The following RNF145 variants were observed in gnomAD, a reference collection of about 807,000 sequenced individuals.
RNF145 encodes the protein ring finger protein 145.
Under a neutral mutation model 57.3 loss-of-function variants are expected in RNF145, and 12 were observed. The observed-to-expected ratio is 0.21, with a 90% CI of 0.13 to 0.34. RNF145 has a LOEUF of 0.34. Ranked by LOEUF, RNF145 falls within the 10% of genes least tolerant of loss-of-function variation. The pLI, the probability that RNF145 is intolerant of heterozygous loss-of-function variation, is 1.00. For synonymous variants in RNF145, 262 were observed against 288.3 expected, an observed-to-expected ratio of 0.91 and a Z score of 0.92; for missense variants, 429 against 799.0, an observed-to-expected ratio of 0.54 and a Z score of 5.58.
intron 10 of RNF145, among the ~76,000 whole-genome samples, chr5:159,160,578 T>C (rs1052205570): frequency 6.6e-6 from 1 of 152,240 alleles, no homozygotes; most frequent in Non-Finnish European, 1.5e-5. Flanking sequence ...TTTCCAACAG[T>C]GCGGCCTCTT....
chr5:159,202,128 G>C (rs753925780), intron 2 of RNF145, among the ~76,000 whole-genome samples: 2 of 152,108 alleles, frequency 1.3e-5, no homozygotes, highest in Non-Finnish European at 2.9e-5. Context: ...AACTTCAATT[G>C]TACTCGAAAA....
At chr5:159,194,899 G>T in intron 2 of RNF145, 75 bp from the exon 3 acceptor site, 3 of 1,066,988 alleles carry the variant, frequency 2.8e-6, no homozygotes, top group Non-Finnish European at 4.1e-6. Flanking sequence ...AAGAGCTTGA[G>T]ACAAATAATT....
rs955853597 is a variant in RNF145 at position 159,186,167 on chromosome 5, C to T, written c.294-4116G>A. Among the ~76,000 whole-genome samples the T allele has an allele frequency of 8.5e-5, 13 of 152,072 alleles. No individual in the cohort carries two copies. The East Asian group carries it at 2.5e-3, about 29-fold the overall frequency. On this transcript the variant is annotated intron_variant, in intron 3 of 10. Coordinates refer to ENST00000424310, the MANE Select transcript of RNF145 (RefSeq NM_001199383.2). ...GTGGACCTGGTAGGGGCAGGGGTTG[C>T]AGTGAGCCAAGATTGCACCACTGCA...
At chr5:159,160,045 G>C (rs1458074722) in intron 10 of RNF145, among the ~76,000 whole-genome samples, 1 of 152,144 alleles carries the variant, frequency 6.6e-6, no homozygotes, top group Admixed American at 6.6e-5. Flanking sequence ...CAAAAAAAGT[G>C]ATGTGACAAC....
chr5:159,177,503 G>A (rs17663669), intron 4 of RNF145, among the ~76,000 whole-genome samples: 10,924 of 151,980 alleles, frequency 0.072, 522 homozygotes, highest in Non-Finnish European at 0.11. Context: ...CAACCCAAAG[G>A]TAGTCCTAAG....
intron 9 of RNF145, among the ~76,000 whole-genome samples, chr5:159,162,425 C>CTTTTTTTTTTT (rs201178143): frequency 8.2e-5 from 11 of 134,574 alleles, no homozygotes; most frequent in Non-Finnish European, 1.3e-4. Context: ...GTAATATTTT[C>CTTTTTTTTTTT]TTTTTTTTTT....
chr5:159,208,918 G>A (rs1271748533), intron 1 of RNF145, among the ~76,000 whole-genome samples: 2 of 151,700 alleles, frequency 1.3e-5, no homozygotes, highest in Non-Finnish European at 2.9e-5. Context: ...ATGGGAGGGC[G>A]GGGAGGCAGC....
Position 159,168,984 on chromosome 5 carries a change from T to G in RNF145, c.1010A>C (p.His337Pro). 1 of 1,609,810 alleles carries G rather than the reference T, an allele frequency of 6.2e-7. No individual in the cohort carries two copies. Among genetic ancestry groups the G allele is most frequent in the Non-Finnish European group, 8.5e-7 (1 of 1,178,852 alleles). The change falls in exon 8 of 11, where the codon CAT (histidine) becomes CCT (proline). Residue 337 changes from histidine (H) to proline (P), a missense_variant. By Grantham distance (77) the His-to-Pro change is moderately conservative. This residue lies in a region of RNF145 where 216 missense variants were observed against 457.6 expected (regional missense o/e 0.47). Coordinates refer to ENST00000424310, the MANE Select transcript of RNF145 (RefSeq NM_001199383.2). ...GATAATACTGAGCAAGAATGCCCGA[T>G]GAACAACCTGCAGTTCTATCAGCCC... ...QTGLIELQVV[H>P]RAFLLSIILF...
chr5:159,162,444 T>G (rs1434633365), intron 9 of RNF145, among the ~76,000 whole-genome samples: 2 of 132,102 alleles, frequency 1.5e-5, no homozygotes, highest in Non-Finnish European at 3.2e-5. Context: ...TTTTTTTTTT[T>G]TGAGACGGAG....
At chr5:159,199,134 A>C (rs530226766) in intron 2 of RNF145, among the ~76,000 whole-genome samples, 3 of 152,314 alleles carry the variant, frequency 2.0e-5, no homozygotes, top group African/African-American at 7.2e-5. Context: ...AGAATGCAAC[A>C]TAATAATTGC....
Position 159,162,767 on chromosome 5 carries a change from A to T in RNF145, c.1269+165T>A, listed in dbSNP as rs370855201. Among the ~76,000 whole-genome samples, 16 of 152,148 alleles carry T rather than the reference A, an allele frequency of 1.1e-4. No individual in the cohort carries two copies. The East Asian group carries it at 3.1e-3, about 29-fold the overall frequency. On this transcript the variant is annotated intron_variant, in intron 9 of 10. Coordinates refer to ENST00000424310, the MANE Select transcript of RNF145 (RefSeq NM_001199383.2). ...TAATATTTTCATAACCTGCCATCTAACTCCTGTGCTCAAATAAATGTAATG... is the reference window on the plus strand; with the variant it reads ...TAATATTTTCATAACCTGCCATCTATCTCCTGTGCTCAAATAAATGTAATG...
At chr5:159,187,350 G>A (rs1012221902) in intron 3 of RNF145, among the ~76,000 whole-genome samples, 6 of 150,854 alleles carry the variant, frequency 4.0e-5, no homozygotes, top group African/African-American at 1.2e-4. Context: ...TTTTTTTTGA[G>A]ATAGTCTCAC....
chr5:159,208,137 C>T (rs1785964957), intron 1 of RNF145: 1 of 1,427,550 alleles, frequency 7.0e-7, no homozygotes. Context: ...TCCCACAACG[C>T]CTGCAGATCT....
chr5:159,209,279 G>C lies in RNF145; in HGVS notation c.-88C>G. The stretch of plus-strand genomic sequence containing the variant: ...GGGGAGCGGCGCTGCCGGCGGGCGG[G>C]CTCCGCAACTCCCCGGCTCTCTCGC... On this transcript the variant is annotated 5_prime_UTR_variant, in exon 1 of 11. Coordinates refer to ENST00000424310, the MANE Select transcript of RNF145 (RefSeq NM_001199383.2). 5.1e-6 allele frequency: 5 copies of C among 985,370 alleles called. No homozygotes were observed. Among genetic ancestry groups the C allele is most frequent in the Non-Finnish European group, 6.0e-6 (5 of 829,886 alleles). 61.0% of individuals were successfully genotyped at this position (985,370 alleles called of 1,614,324 possible).
intron 8 of RNF145, among the ~76,000 whole-genome samples, chr5:159,163,413 G>A (rs1784293679): frequency 6.6e-6 from 1 of 152,154 alleles, no homozygotes; most frequent in Admixed American, 6.5e-5. Context: ...GTTAAGACAG[G>A]GAGGGAGTAT....
In RNF145 at chr5:159,195,427, T is replaced by C. The variant is rs534750992; in HGVS notation, c.185-603A>G. Reference sequence around the variant, plus strand: ...TGAAAAGATCTATACCCAATGCCTCTATTTTCTAAGCATCTATTCTTCTCT... The same window carrying C: ...TGAAAAGATCTATACCCAATGCCTCCATTTTCTAAGCATCTATTCTTCTCT... On this transcript the variant is annotated intron_variant, in intron 2 of 10. Coordinates refer to ENST00000424310, the MANE Select transcript of RNF145 (RefSeq NM_001199383.2). Among the ~76,000 whole-genome samples, 81 of 152,340 alleles carry C rather than the reference T, an allele frequency of 5.3e-4. 1 individual carries two copies. The Middle Eastern group carries it at 0.014, about 26-fold the overall frequency.
chr5:159,186,226 A>G (rs1785050642), intron 3 of RNF145, among the ~76,000 whole-genome samples: 1 of 152,068 alleles, frequency 6.6e-6, no homozygotes, highest in East Asian at 1.9e-4. Flanking sequence ...CCCTGTCTCA[A>G]AAAAGAAAGA....
intron 3 of RNF145, among the ~76,000 whole-genome samples, chr5:159,184,912 G>C (rs1785009519): frequency 6.6e-6 from 1 of 152,080 alleles, no homozygotes; most frequent in African/African-American, 2.4e-5. Context: ...AGGGAGGTCT[G>C]CATTCCAGAA....
rs917044171 is a variant in RNF145 at position 159,196,233 on chromosome 5, T to G, written c.185-1409A>C. Among the ~76,000 whole-genome samples the G allele has an allele frequency of 4.7e-3, 718 of 151,780 alleles. 10 individuals carry two copies. The highest frequency in any genetic ancestry group is 0.017 in the African/African-American group (684 of 41,446). ...AACTTTCTTAAAATATTATGAGTTT[T>G]TTTTTTTTTTTTTGCAATTTTAAGC... On this transcript the variant is annotated intron_variant, in intron 2 of 10. Transcript: ENST00000424310.
Sources: gnomAD v4.1 joint callset for allele counts (sites outside exome capture counted in the v4.1 genomes callset) on GRCh38, gnomAD v4.1.1 for gene constraint, gnomAD v4.1.1 regional missense constraint, MANE v1.5 for transcripts, NCBI Gene and HGNC (gene_info 2026-07-23, HGNC 2026-07-21) for gene names.